Variants in FZD3 observed in about 807,000 individuals in gnomAD.
FZD3 encodes frizzled class receptor 3.
Under a neutral mutation model 60.7 loss-of-function variants are expected in FZD3, and 30 were observed. That is an observed-to-expected ratio of 0.49 (90% CI 0.37 to 0.67). FZD3 has a LOEUF of 0.67. Ranked by LOEUF, FZD3 falls within the 30% of genes least tolerant of loss-of-function variation. The probability of loss-of-function intolerance (pLI) is 0.00; values close to 1 mark genes in which losing one functional copy is unlikely to be tolerated. For synonymous variants in FZD3, 246 were observed against 275.2 expected, an observed-to-expected ratio of 0.89 and a Z score of 1.05; for missense variants, 605 against 838.7, an observed-to-expected ratio of 0.72 and a Z score of 3.44.
At chr8:28,542,365 G>A (rs1047365500) in intron 5 of FZD3, among the ~76,000 whole-genome samples, 3 of 152,110 alleles carry the variant, frequency 2.0e-5, no homozygotes, top group Non-Finnish European at 2.9e-5. Context: ...CTGGCCGGCC[G>A]CTGCGGCTCA....
intron 3 of FZD3, among the ~76,000 whole-genome samples, chr8:28,504,625 A>G (rs1465759749): frequency 6.6e-6 from 1 of 152,222 alleles, no homozygotes; most frequent in East Asian, 1.9e-4. Context: ...TCATTTGTGA[A>G]AAGGCAGTAT....
intron 5 of FZD3, among the ~76,000 whole-genome samples, chr8:28,532,925 C>G (rs1221561298): frequency 6.6e-6 from 1 of 152,122 alleles, no homozygotes; most frequent in Non-Finnish European, 1.5e-5. Flanking sequence ...AAAACTCTGT[C>G]CTCATATCTT....
chr8:28,541,083 A>C (rs1341546736), intron 5 of FZD3, among the ~76,000 whole-genome samples: 1 of 152,194 alleles, frequency 6.6e-6, no homozygotes, highest in African/African-American at 2.4e-5. Flanking sequence ...TTACGTACTA[A>C]CTACCTCACT....
chr8:28,520,485 A>G (rs893020274), intron 3 of FZD3, among the ~76,000 whole-genome samples, 153 bp from the exon 4 acceptor site: 9 of 152,188 alleles, frequency 5.9e-5, no homozygotes, highest in Admixed American at 1.3e-4. Flanking sequence ...GGGCTAGGAC[A>G]GTTTTGTTTA....
chr8:28,540,857 A>C (rs1238874065), intron 5 of FZD3, among the ~76,000 whole-genome samples: 1 of 152,158 alleles, frequency 6.6e-6, no homozygotes, highest in East Asian at 1.9e-4. Flanking sequence ...AGGCAGGAGA[A>C]TCCTTTGAAC....
At chr8:28,515,831 G>T (rs2874941) in intron 3 of FZD3, among the ~76,000 whole-genome samples, 79,909 of 152,030 alleles carry the variant, frequency 0.53, 21,766 homozygotes, top group South Asian at 0.63. Context: ...GAACATCAAA[G>T]ATTTTCTTCC....
At position 28,565,691 on chromosome 8, in the gene FZD3, C is replaced by T. The variant is rs1458463333; in HGVS notation, c.*2680C>T. 6.6e-6 allele frequency: 1 copy of T among 152,012 alleles called. No homozygotes were observed. The highest frequency in any genetic ancestry group is 2.4e-5 in the African/African-American group (1 of 41,396). 9.4% of individuals were successfully genotyped at this position (152,012 alleles called of 1,614,324 possible). A position where few individuals can be genotyped will look rare whatever the true frequency, so the allele number is the denominator to read the frequency against. On this transcript the variant is annotated 3_prime_UTR_variant, in exon 8 of 8. Transcript: ENST00000240093. ...GTATGGGAATACTATATTGACTTTT[C>T]AGTTACTTTCAGTAAGTATCTTAAT...
chr8:28,564,602 T>C lies in FZD3; in HGVS notation c.*1591T>C, dbSNP rs1165644390. Reference sequence around the variant, plus strand: ...TTCGCTTTTATATCATTATCTAATATTCAGTTGTTCTGCACCTGATGCCAA... The same window carrying C: ...TTCGCTTTTATATCATTATCTAATACTCAGTTGTTCTGCACCTGATGCCAA... On this transcript the variant is annotated 3_prime_UTR_variant, in exon 8 of 8. Transcript: ENST00000240093. The C allele has an allele frequency of 6.6e-6, 1 of 152,210 alleles. No homozygotes were observed. The highest frequency in any genetic ancestry group is 2.4e-5 in the African/African-American group (1 of 41,462). The allele number at this position is 152,210 out of a possible 1,614,324, so 9.4% of individuals were successfully genotyped here. A position where few individuals can be genotyped will look rare whatever the true frequency, so the allele number is the denominator to read the frequency against.
At chr8:28,505,118 A>G (rs924561359) in intron 3 of FZD3, 3 of 154,808 alleles carry the variant, frequency 1.9e-5, no homozygotes, top group Non-Finnish European at 4.4e-5. Context: ...TTTAATAGCA[A>G]ATGACGTGGA....
At chr8:28,541,080 C>A (rs1378490707) in intron 5 of FZD3, among the ~76,000 whole-genome samples, 2 of 152,112 alleles carry the variant, frequency 1.3e-5, no homozygotes, top group Non-Finnish European at 2.9e-5. Flanking sequence ...GTTTTACGTA[C>A]TAACTACCTC....
rs1387004922 is a variant in FZD3, at chr8:28,514,001, G to C, written c.190-6637G>C. 6.6e-5 allele frequency among the ~76,000 whole-genome samples: 10 copies of C among 152,252 alleles called. No homozygotes were observed. The East Asian group carries it at 1.9e-3, about 29-fold the overall frequency. On this transcript the variant is annotated intron_variant, in intron 3 of 7. Coordinates refer to ENST00000240093, the MANE Select transcript of FZD3 (RefSeq NM_017412.4). ...AAAGAGAATGGTAGCACAAAGGCTT[G>C]GTTGATTTGAATTTGAACAAAGAAT...
chr8:28,518,319 G>A (rs2874942), intron 3 of FZD3, among the ~76,000 whole-genome samples: 147,392 of 151,942 alleles, frequency 0.97, 71,548 homozygotes, highest in East Asian at 1. Context: ...CGGCCTCTCA[G>A]AGTGCTGAGA....
chr8:28,504,290 G>A (rs1804079314), intron 3 of FZD3, among the ~76,000 whole-genome samples: 1 of 152,158 alleles, frequency 6.6e-6, no homozygotes, highest in African/African-American at 2.4e-5. Context: ...AGTACACGAG[G>A]TCTAAGTGGT....
chr8:28,567,073 C>T lies in FZD3; in HGVS notation c.*4062C>T, dbSNP rs1432269406. On this transcript the variant is annotated 3_prime_UTR_variant, in exon 8 of 8. Transcript: ENST00000240093. ...CATAGTTCATTATAACCTTGAACTC[C>T]TAGGCTCAAGCAGTCCTCCAGCTTC... 2.0e-5 allele frequency: 3 copies of T among 152,332 alleles called. No homozygotes were observed. The highest frequency in any genetic ancestry group is 7.2e-5 in the African/African-American group (3 of 41,558). The allele number at this position is 152,332 out of a possible 1,614,324, so 9.4% of individuals were successfully genotyped here.
chr8:28,541,819 T>C (rs1438137586), intron 5 of FZD3, among the ~76,000 whole-genome samples: 1 of 152,216 alleles, frequency 6.6e-6, no homozygotes, highest in African/African-American at 2.4e-5. Context: ...CGCTAGTTGT[T>C]CAGATCCAGA....
intron 3 of FZD3, among the ~76,000 whole-genome samples, chr8:28,519,356 G>T (rs932482350): frequency 7.9e-5 from 12 of 152,010 alleles, no homozygotes; most frequent in Non-Finnish European, 1.3e-4. Context: ...TATGTTTGGG[G>T]TTACTATTTT....
chr8:28,503,890 T>C (rs139758938), intron 3 of FZD3, among the ~76,000 whole-genome samples: 1 of 152,324 alleles, frequency 6.6e-6, no homozygotes, highest in Non-Finnish European at 1.5e-5. Context: ...GTTTCTTTGC[T>C]TGTAACTTAG....
intron 5 of FZD3, among the ~76,000 whole-genome samples, chr8:28,542,800 TACAGTGTAAGTTCA>T (rs1805201243): frequency 6.6e-6 from 1 of 152,242 alleles, no homozygotes; most frequent in Non-Finnish European, 1.5e-5. Context: ...TACCCTGCTC[TACAGTGTAAGTTCA>T]ACAAGGGCAG....
intron 3 of FZD3, among the ~76,000 whole-genome samples, chr8:28,517,631 C>G (rs1016008874): frequency 3.4e-5 from 5 of 149,212 alleles, no homozygotes; most frequent in Non-Finnish European, 7.4e-5. Flanking sequence ...GGTCTGTGAC[C>G]TTCTTTCTGT....
Sources: gnomAD v4.1 joint callset for allele counts (sites outside exome capture counted in the v4.1 genomes callset) on GRCh38, gnomAD v4.1.1 for gene constraint, MANE v1.5 for transcripts, NCBI Gene and HGNC (gene_info 2026-07-23, HGNC 2026-07-21) for gene names.